Variants in DOCK3 observed in about 807,000 individuals in gnomAD.
DOCK3 encodes dedicator of cytokinesis 3.
A neutral mutation model predicts 265.6 loss-of-function variants in DOCK3; 60 were observed. That is an observed-to-expected ratio of 0.23 (90% CI 0.18 to 0.28). DOCK3 has a LOEUF of 0.28. Ranked by LOEUF, DOCK3 falls within the 10% of genes least tolerant of loss-of-function variation. The pLI is 1.00. For missense variants in DOCK3, 1,981 were observed against 2,594.3 expected (o/e 0.76, Z 5.14); for synonymous variants, 881 against 938.0 (o/e 0.94, Z 1.11).
In DOCK3 at chr3:51,237,545, T is replaced by A; in HGVS notation, c.2057T>A (p.Met686Lys). 6.2e-7 allele frequency: 1 copy of A among 1,613,708 alleles called. No homozygotes were observed. The highest frequency in any genetic ancestry group is 8.5e-7 in the Non-Finnish European group (1 of 1,179,814). ...AAGTATTTTCACTTTCGACCTGTGATGGACACGTATATCCAGAAGCACTTT... is the reference window on the plus strand; with the variant it reads ...AAGTATTTTCACTTTCGACCTGTGAAGGACACGTATATCCAGAAGCACTTT... ...DIKYFHFRPV[M>K]DTYIQKHFAG... The change falls in exon 21 of 53, where the codon ATG becomes AAG. Residue 686 changes from methionine to lysine, a missense_variant. Transcript: ENST00000266037.
At chr3:50,855,913 A>T (rs2046574203) in intron 3 of DOCK3, among the ~76,000 whole-genome samples, 1 of 151,484 alleles carries the variant, frequency 6.6e-6, no homozygotes, top group Non-Finnish European at 1.5e-5. Flanking sequence ...TTCAGCTCCC[A>T]CTTATAAGTG....
chr3:51,162,778 C>T (rs1177077284), intron 12 of DOCK3, among the ~76,000 whole-genome samples: 3 of 152,112 alleles, frequency 2.0e-5, no homozygotes, highest in Non-Finnish European at 4.4e-5. Context: ...CTGCAAGAAA[C>T]AGGATTCATG....
intron 2 of DOCK3, among the ~76,000 whole-genome samples, chr3:50,840,499 C>G (rs1187742923): frequency 6.6e-6 from 1 of 152,130 alleles, no homozygotes; most frequent in Non-Finnish European, 1.5e-5. Flanking sequence ...CTTTTGCTCC[C>G]TTGTCAAAGA....
chr3:51,340,685 A>G (rs912231648), intron 37 of DOCK3, among the ~76,000 whole-genome samples: 1 of 152,206 alleles, frequency 6.6e-6, no homozygotes, highest in African/African-American at 2.4e-5. Flanking sequence ...GTGATTCAGT[A>G]TGACTCATCC....
chr3:51,360,452 A>G lies in DOCK3; in HGVS notation c.4885-59A>G. ...GATCACCAGTCAGTTATTCCCTCAC[A>G]TCCCTTAGTTACTTATTTATTCTTT... On this transcript the variant is annotated intron_variant, in intron 46 of 52. Transcript: ENST00000266037. 2.6e-6 allele frequency: 4 copies of G among 1,557,092 alleles called. No homozygotes were observed. In the South Asian group the frequency reaches 4.7e-5, roughly 18 times the overall value.
At chr3:51,230,471 T>C (rs937166333) in intron 19 of DOCK3, among the ~76,000 whole-genome samples, 1 of 152,200 alleles carries the variant, frequency 6.6e-6, no homozygotes, top group Non-Finnish European at 1.5e-5. Context: ...ATCTGCATGG[T>C]ATTCCATGGT....
chr3:51,273,940 G>A (rs1032144377), intron 24 of DOCK3, among the ~76,000 whole-genome samples: 7 of 152,130 alleles, frequency 4.6e-5, no homozygotes, highest in Non-Finnish European at 1.0e-4. Flanking sequence ...AACCTTCCTT[G>A]TGAAGTAAAT....
rs1477725754 is a variant in DOCK3, at chr3:50,842,032, A to G, written c.162+317A>G. 2.6e-5 allele frequency among the ~76,000 whole-genome samples: 4 copies of G among 152,178 alleles called. No homozygotes were observed. The East Asian group carries it at 7.7e-4, about 29-fold the overall frequency. ...TTCACAGGCCTAGTCCTGTGGAACCATATAATTAGATGAATTGTTTCTAAA... is the reference window on the plus strand; with the variant it reads ...TTCACAGGCCTAGTCCTGTGGAACCGTATAATTAGATGAATTGTTTCTAAA... On this transcript the variant is annotated intron_variant, in intron 3 of 52. Transcript: ENST00000266037.
intron 2 of DOCK3, chr3:50,787,365 G>A (rs770410114): frequency 2.5e-5 from 10 of 394,716 alleles, no homozygotes; most frequent in East Asian, 6.0e-5. Flanking sequence ...TAGAAACCCC[G>A]TCTCTATTAA....
intron 22 of DOCK3, 47 bp downstream of exon 22, chr3:51,246,854 A>C: frequency 6.4e-7 from 1 of 1,555,976 alleles, no homozygotes; most frequent in Non-Finnish European, 8.8e-7. Flanking sequence ...TCATGCAATT[A>C]TTTGTGAGTA....
intron 4 of DOCK3, among the ~76,000 whole-genome samples, chr3:50,895,376 T>C (rs181616750): frequency 6.6e-6 from 1 of 151,400 alleles, no homozygotes; most frequent in Non-Finnish European, 1.5e-5. Flanking sequence ...CAGCATTCAT[T>C]AGCTGTTCTT....
chr3:51,351,616 T>A (rs1395155549), intron 40 of DOCK3, among the ~76,000 whole-genome samples: 2 of 150,824 alleles, frequency 1.3e-5, no homozygotes, highest in Non-Finnish European at 2.9e-5. Flanking sequence ...TCCACAGGAG[T>A]GTTTCTAGTA....
chr3:50,982,583 G>A (rs1346058342), intron 5 of DOCK3, among the ~76,000 whole-genome samples: 1 of 152,214 alleles, frequency 6.6e-6, no homozygotes, highest in Non-Finnish European at 1.5e-5. Flanking sequence ...CTGGCCCTGT[G>A]TTGCTGCTCT....
intron 3 of DOCK3, among the ~76,000 whole-genome samples, chr3:50,846,691 T>C (rs1290319570): frequency 1.3e-5 from 2 of 152,174 alleles, no homozygotes; most frequent in Admixed American, 6.5e-5. Flanking sequence ...GAACTTGATA[T>C]TGGTCTGTTC....
At chr3:51,095,462 T>C (rs1413050249) in intron 9 of DOCK3, among the ~76,000 whole-genome samples, 3 of 152,154 alleles carry the variant, frequency 2.0e-5, no homozygotes, top group Non-Finnish European at 4.4e-5. Context: ...GAAAATTCTT[T>C]AAGAATGTTG....
chr3:50,816,284 T>A (rs2044070379), intron 2 of DOCK3, among the ~76,000 whole-genome samples: 1 of 151,714 alleles, frequency 6.6e-6, no homozygotes, highest in African/African-American at 2.4e-5. Context: ...GTTTTTAGGA[T>A]TATTTTCTCC....
intron 5 of DOCK3, among the ~76,000 whole-genome samples, chr3:51,021,683 A>C (rs2079600543): frequency 4.3e-5 from 1 of 23,226 alleles, no homozygotes; most frequent in African/African-American, 2.3e-4. Context: ...TCTTTTTGAG[A>C]CGGAGTCTCG....
chr3:51,202,635 A>G (rs1408361363), intron 12 of DOCK3, among the ~76,000 whole-genome samples: 3 of 152,178 alleles, frequency 2.0e-5, no homozygotes. Context: ...TCCAAACAAT[A>G]GAAAAAGAGG....
At chr3:51,330,355 G>A in intron 33 of DOCK3, 132 bp downstream of exon 33, 1 of 701,102 alleles carries the variant, frequency 1.4e-6, no homozygotes. Flanking sequence ...TGTTCCTGAT[G>A]GTAGCAATGC....
Sources: allele counts gnomAD v4.1 joint callset (sites outside exome capture counted in the v4.1 genomes callset), GRCh38; gene constraint gnomAD v4.1.1; transcripts MANE v1.5; gene names NCBI Gene and HGNC (gene_info 2026-07-23, HGNC 2026-07-21).